The following PSG8 variants were observed in gnomAD, a reference collection of about 807,000 sequenced individuals.
The protein encoded by PSG8 is pregnancy-specific beta-1-glycoprotein 8.
Under a neutral mutation model 42.5 loss-of-function variants are expected in PSG8, and 57 were observed. The observed-to-expected ratio is 1.34, with a 90% confidence interval of 1.08 to 1.67. The LOEUF (loss-of-function observed/expected upper bound fraction) is 1.67, where lower values mean the gene tolerates loss of function less well. Ranked by LOEUF, PSG8 falls within the 40% of genes most tolerant of loss-of-function variation. PSG8 has a pLI of 0.00. For missense variants in PSG8, 783 were observed against 518.6 expected (o/e 1.51, Z -4.95); for synonymous variants, 280 against 196.8 (o/e 1.42, Z -3.54).
intron 3 of PSG8, chr19:42,756,017 T>G (rs1227119334): frequency 2.0e-5 from 3 of 152,800 alleles, no homozygotes; most frequent in African/African-American, 7.2e-5. Context: ...AAGTTTCCTC[T>G]CCTTCTGCAG....
rs1970201057 is a variant in PSG8, at chr19:42,765,654, C to T, written c.-73G>A. 5.7e-6 allele frequency: 9 copies of T among 1,571,992 alleles called. No homozygotes were observed. Among genetic ancestry groups the T allele is most frequent in the Non-Finnish European group, 7.8e-6 (9 of 1,150,348 alleles). On this transcript the variant is annotated 5_prime_UTR_variant, in exon 1 of 5. Transcript: ENST00000306511. The stretch of plus-strand genomic sequence containing the variant: ...CCAGAAGCTTCCTGAGCACAGCTCT[C>T]AGCAGTGCTGTCCTGCCTCCTTCTG...
At chr19:42,759,934 A>G (rs1196429444) in intron 2 of PSG8, among the ~76,000 whole-genome samples, 1 of 152,186 alleles carries the variant, frequency 6.6e-6, no homozygotes, top group Non-Finnish European at 1.5e-5. Context: ...AAGTAGAGAG[A>G]GTCCCGTTAA....
intron 1 of PSG8, 81 bp downstream of exon 1, chr19:42,765,437 A>G: frequency 3.2e-6 from 5 of 1,582,408 alleles, no homozygotes. Context: ...TTCATTTTTT[A>G]GTACCCCATA....
In PSG8 at chr19:42,764,236, G is replaced by C. The variant is rs142689447; in HGVS notation, c.110C>G (p.Thr37Arg). The C allele has an allele frequency of 1.2e-6, 2 of 1,613,710 alleles. No homozygotes were observed. Among genetic ancestry groups the C allele is most frequent in the Admixed American group, 1.7e-5 (1 of 59,990 alleles). ...AACTTTGGTTGGCTGGGCTTCAATC[G>C]TGACTTGGGCAGTCGTGGGTGGGTT... ...FWNPPTTAQV[T>R]IEAQPTKVSE... The change falls in exon 2 of 5, where the codon ACG becomes AGG. Residue 37 changes from threonine to arginine, a missense_variant. Coordinates refer to ENST00000306511, the MANE Select transcript of PSG8 (RefSeq NM_182707.3).
chr19:42,765,410 C>G (rs1464336729), intron 1 of PSG8, 108 bp downstream of exon 1: 5 of 1,534,048 alleles, frequency 3.3e-6, no homozygotes, highest in Non-Finnish European at 4.4e-6. Context: ...CCTCAGCCTC[C>G]CAAAGTGCTG....
downstream of PSG8, chr19:42,753,213 T>C: frequency 1.3e-6 from 1 of 771,300 alleles, no homozygotes; most frequent in Non-Finnish European, 2.4e-6. Context: ...TAGTGAGTTC[T>C]GAGTGGCTCA....
chr19:42,761,983 C>G (rs1600418545), intron 2 of PSG8, among the ~76,000 whole-genome samples: 1 of 151,946 alleles, frequency 6.6e-6, no homozygotes, highest in African/African-American at 2.4e-5. Flanking sequence ...ACAGTGGAAG[C>G]TCATTCTCTT....
chr19:42,762,315 G>T (rs1431039491), intron 2 of PSG8, among the ~76,000 whole-genome samples: 2 of 151,956 alleles, frequency 1.3e-5, no homozygotes, highest in Non-Finnish European at 2.9e-5. Context: ...GGTGCCCCCA[G>T]CTCCACAGTC....
intron 1 of PSG8, among the ~76,000 whole-genome samples, chr19:42,765,245 T>C (rs556491317): frequency 1.3e-5 from 2 of 151,700 alleles, no homozygotes; most frequent in African/African-American, 2.4e-5. Context: ...TTCTGCCTCC[T>C]GGGTTCACGT....
chr19:42,761,656 G>A (rs1970076633), intron 2 of PSG8, among the ~76,000 whole-genome samples: 1 of 151,834 alleles, frequency 6.6e-6, no homozygotes, highest in African/African-American at 2.4e-5. Flanking sequence ...CAAACAATCA[G>A]CAGTACTTAT....
downstream of PSG8, chr19:42,753,888 C>A: frequency 2.0e-6 from 1 of 492,726 alleles, no homozygotes; most frequent in South Asian, 1.7e-5. Context: ...GAATAGTTGC[C>A]CAATTCTGGG....
intron 3 of PSG8, chr19:42,755,999 C>G (rs1568375333): frequency 6.5e-6 from 1 of 152,862 alleles, no homozygotes; most frequent in Non-Finnish European, 1.5e-5. Flanking sequence ...GTTGCCTGTC[C>G]TGCGTTCAAG....
intron 2 of PSG8, among the ~76,000 whole-genome samples, chr19:42,761,718 C>G (rs1469957892): frequency 1.3e-5 from 2 of 151,918 alleles, no homozygotes; most frequent in African/African-American, 4.8e-5. Flanking sequence ...AACCCCTGAT[C>G]CACTGGGGAG....
intron 1 of PSG8, 97 bp downstream of exon 1, chr19:42,765,421 G>T: frequency 6.4e-7 from 1 of 1,559,752 alleles, no homozygotes. Flanking sequence ...CAAAGTGCTG[G>T]CTTCTTTCAT....
chr19:42,757,682 C>T (rs62112123), intron 3 of PSG8, among the ~76,000 whole-genome samples: 1 of 152,140 alleles, frequency 6.6e-6, no homozygotes, highest in African/African-American at 2.4e-5. Context: ...TCACAGTGAC[C>T]CTGTGAGCCA....
intron 2 of PSG8, among the ~76,000 whole-genome samples, chr19:42,760,632 G>T (rs983635321): frequency 7.2e-5 from 11 of 151,868 alleles, no homozygotes; most frequent in African/African-American, 2.7e-4. Context: ...ACCCTGGCTG[G>T]AGTGCAGTGG....
chr19:42,761,807 C>T (rs1220011286), intron 2 of PSG8, among the ~76,000 whole-genome samples: 9 of 146,162 alleles, frequency 6.2e-5, no homozygotes, highest in Middle Eastern at 3.5e-3. Context: ...GACTAGAAAC[C>T]AACATTTCAA....
rs541230835 is a variant in PSG8, at chr19:42,755,133, C to T, written c.843G>A (p.Pro281=). 69 of 1,611,724 alleles carry T rather than the reference C, an allele frequency of 4.3e-5. No individual in the cohort carries two copies. The highest frequency in any genetic ancestry group is 4.5e-4 in the Middle Eastern group (2 of 4,464). Residue 281 remains proline, a synonymous_variant, in exon 4 of 5, where the codon CCG becomes CCA. Coordinates refer to ENST00000306511, the MANE Select transcript of PSG8 (RefSeq NM_182707.3). The part of the protein sequence containing the change: ...YIWWLNGQSL[P]VSPRVKRPIE... The stretch of plus-strand genomic sequence containing the variant: ...TGGGTCGCTTTACCCTGGGACTGAC[C>T]GGGAGGCTCTGACCATTTAGCCACC...
intron 4 of PSG8, 100 bp downstream of exon 4, chr19:42,754,888 G>T (rs1465404929): frequency 8.3e-6 from 13 of 1,565,438 alleles, no homozygotes; most frequent in Middle Eastern, 4.6e-4. Flanking sequence ...CAGAAGTGAA[G>T]GTGTCTATAC....
Sources: gnomAD v4.1 joint callset for allele counts (sites outside exome capture counted in the v4.1 genomes callset) on GRCh38, gnomAD v4.1.1 for gene constraint, MANE v1.5 for transcripts, NCBI Gene and HGNC (gene_info 2026-07-23, HGNC 2026-07-21) for gene names.